CREBBP: variants seen among roughly 807,000 people sequenced by gnomAD.
The protein encoded by CREBBP is CREB-binding protein.
Under a neutral mutation model 265.0 loss-of-function variants are expected in CREBBP, and 19 were observed. The ratio of observed to expected loss-of-function variants is 0.07; its 90% CI spans 0.05 to 0.11. The LOEUF (loss-of-function observed/expected upper bound fraction) is 0.11, where lower values mean the gene tolerates loss of function less well. Among genes scored for constraint, CREBBP ranks in the 10% least tolerant of loss-of-function variants. The pLI, the probability that CREBBP is intolerant of heterozygous loss-of-function variation, is 1.00. For missense variants in CREBBP, 2,525 were observed against 3,219.0 expected (o/e 0.78, Z 5.22); for synonymous variants, 1,457 against 1,223.7 (o/e 1.19, Z -3.98).
intron 5 of CREBBP, among the ~76,000 whole-genome samples, chr16:3,788,608 G>C (rs2053440287): frequency 6.6e-6 from 1 of 152,184 alleles, no homozygotes; most frequent in African/African-American, 2.4e-5. Flanking sequence ...ATAAGGGATG[G>C]TTAACTCGAG....
chr16:3,746,530 T>A (rs1479435933), intron 21 of CREBBP, among the ~76,000 whole-genome samples: 3 of 152,190 alleles, frequency 2.0e-5, no homozygotes, highest in Admixed American at 2.0e-4. Context: ...GCCACTGAGC[T>A]CATCCCCAAC....
At chr16:3,765,005 C>T (rs1425706571) in intron 16 of CREBBP, among the ~76,000 whole-genome samples, 2 of 151,044 alleles carry the variant, frequency 1.3e-5, no homozygotes, top group Non-Finnish European at 2.9e-5. Context: ...TTTGAGACGG[C>T]GTCTCGCTCT....
chr16:3,756,194 C>A lies in CREBBP; in HGVS notation c.3698+1094G>T, dbSNP rs986893441. 2.0e-5 allele frequency among the ~76,000 whole-genome samples: 3 copies of A among 152,168 alleles called. 1 individual carries two copies. The highest frequency in any genetic ancestry group is 7.2e-5 in the African/African-American group (3 of 41,426). ...AAAACGCCAAACCCCACTGTTGACGCTTATTATTTGAACCTAAAGACAAAG... is the reference window on the plus strand; with the variant it reads ...AAAACGCCAAACCCCACTGTTGACGATTATTATTTGAACCTAAAGACAAAG... On this transcript the variant is annotated intron_variant, in intron 19 of 30. Transcript: ENST00000262367.
intron 3 of CREBBP, among the ~76,000 whole-genome samples, chr16:3,806,375 G>C (rs2053830353): frequency 6.6e-6 from 1 of 151,708 alleles, no homozygotes; most frequent in Non-Finnish European, 1.5e-5. Context: ...TCACTCATGA[G>C]CAATTTTAAA....
chr16:3,779,869 C>A (rs1054441764), intron 8 of CREBBP, among the ~76,000 whole-genome samples: 5 of 151,792 alleles, frequency 3.3e-5, no homozygotes, highest in African/African-American at 1.2e-4. Flanking sequence ...TTTGGGAGGC[C>A]AAGGCAAGAG....
intron 14 of CREBBP, among the ~76,000 whole-genome samples, chr16:3,769,862 C>T (rs1339949737): frequency 6.6e-6 from 1 of 151,968 alleles, no homozygotes; most frequent in Non-Finnish European, 1.5e-5. Context: ...TTTGCAAATT[C>T]TTACTCAATG....
rs2151315590 is a variant in CREBBP, at chr16:3,731,161, C to A, written c.5172+31G>T. 2 of 1,598,028 alleles carry A rather than the reference C, an allele frequency of 1.3e-6. No homozygotes were observed. Among genetic ancestry groups the A allele is most frequent in the Non-Finnish European group, 1.7e-6 (2 of 1,170,064 alleles). On this transcript the variant is annotated intron_variant, in intron 30 of 30. Coordinates refer to ENST00000262367, the MANE Select transcript of CREBBP (RefSeq NM_004380.3). The surrounding 1 kb of genome is among the most constrained non-coding windows in gnomAD (Gnocchi z 7.7). Reference sequence around the variant, plus strand: ...GATGCTTCGTCAGACCCCAGGCCGGCTGTGGGGGTGGGGGTGGGGGCAGGG... The same window carrying A: ...GATGCTTCGTCAGACCCCAGGCCGGATGTGGGGGTGGGGGTGGGGGCAGGG...
At position 3,727,963 on chromosome 16, in the gene CREBBP, T is replaced by C; in HGVS notation, c.7084A>G (p.Ser2362Gly). ...TGGGGCTGTATCCGTGGTGACGGGC[T>C]GGAATGTGGAGGCTGGGACTGGGGC... ...PRPQSQPPHS[S>G]PSPRIQPQPS... The change falls in exon 31 of 31, where the codon AGC (serine) becomes GGC (glycine). Residue 2362 changes from serine to glycine, a missense_variant. Transcript: ENST00000262367. The C allele has an allele frequency of 6.2e-7, 1 of 1,607,408 alleles. No homozygotes were observed. Among genetic ancestry groups the C allele is most frequent in the Non-Finnish European group, 8.5e-7 (1 of 1,175,242 alleles).
chr16:3,767,688 T>A (rs1346283303), intron 16 of CREBBP, 32 bp downstream of exon 16: 17 of 1,614,068 alleles, frequency 1.1e-5, no homozygotes, highest in Non-Finnish European at 1.4e-5. Context: ...AAAAGCAGCA[T>A]GCTTTAATAA....
At chr16:3,859,286 G>A (rs559630977) in intron 1 of CREBBP, among the ~76,000 whole-genome samples, 10 of 151,814 alleles carry the variant, frequency 6.6e-5, no homozygotes, top group Non-Finnish European at 1.3e-4. Flanking sequence ...TCTACTTCCC[G>A]GATTCAAACA....
At chr16:3,780,930 A>G in intron 7 of CREBBP, 52 bp from the exon 8 acceptor site, 1 of 1,604,494 alleles carries the variant, frequency 6.2e-7, no homozygotes, top group Non-Finnish European at 8.5e-7. Context: ...ACTCAAACAC[A>G]CTTTGTCTAG....
intron 2 of CREBBP, among the ~76,000 whole-genome samples, chr16:3,817,642 G>A (rs2054064102): frequency 6.6e-6 from 1 of 152,186 alleles, no homozygotes; most frequent in Admixed American, 6.5e-5. Flanking sequence ...TAGACTGAAA[G>A]GTTATAGAAG....
At chr16:3,828,090 T>TAACATGAGACAGGA (rs1209228452) in intron 2 of CREBBP, among the ~76,000 whole-genome samples, 3 of 152,132 alleles carry the variant, frequency 2.0e-5, no homozygotes, top group Non-Finnish European at 4.4e-5. Context: ...CTGACTTCTT[T>TAACATGAGACAGGA]TTTTTTTGTT....
At chr16:3,876,399 CAAAAAAAAAAAAAAAA>C (rs71133663) in intron 1 of CREBBP, among the ~76,000 whole-genome samples, 4 of 18,156 alleles carry the variant, frequency 2.2e-4, no homozygotes, top group Non-Finnish European at 4.6e-4. Context: ...TAAAGCTGAC[CAAAAAAAAAAAAAAAA>C]AAAAAAAAAA....
chr16:3,747,463 C>T (rs2052368570), intron 21 of CREBBP, among the ~76,000 whole-genome samples: 1 of 152,126 alleles, frequency 6.6e-6, no homozygotes, highest in Non-Finnish European at 1.5e-5. Context: ...TCCAGGAAAC[C>T]AGGCGCAACT....
intron 21 of CREBBP, among the ~76,000 whole-genome samples, chr16:3,747,885 C>T (rs112748617): frequency 2.2e-3 from 334 of 152,142 alleles, no homozygotes; most frequent in African/African-American, 7.1e-3. Flanking sequence ...GTCAGGAGAT[C>T]GAGACCATCC....
chr16:3,737,321 G>A (rs778903849), intron 26 of CREBBP, among the ~76,000 whole-genome samples: 1 of 152,192 alleles, frequency 6.6e-6, no homozygotes, highest in Non-Finnish European at 1.5e-5. Flanking sequence ...ACCCAAGACA[G>A]CATACGCTGC....
chr16:3,820,413 G>A (rs1239703713), intron 2 of CREBBP, among the ~76,000 whole-genome samples: 1 of 152,208 alleles, frequency 6.6e-6, no homozygotes, highest in African/African-American at 2.4e-5. Flanking sequence ...CACCTGGGCA[G>A]GTGAACAGCC....
chr16:3,819,916 C>T (rs1335205992), intron 2 of CREBBP, among the ~76,000 whole-genome samples: 1 of 152,202 alleles, frequency 6.6e-6, no homozygotes, highest in Non-Finnish European at 1.5e-5. Flanking sequence ...CACGACACAG[C>T]AACAAACTTC....
Sources: allele counts gnomAD v4.1 joint callset (sites outside exome capture counted in the v4.1 genomes callset), GRCh38; gene constraint gnomAD v4.1.1; non-coding constraint Gnocchi (gnomAD v3.1); transcripts MANE v1.5; gene names NCBI Gene and HGNC (gene_info 2026-07-23, HGNC 2026-07-21).